KCNH1: variants seen among roughly 807,000 people sequenced by gnomAD.
KCNH1 encodes the protein potassium voltage-gated channel subfamily H member 1, also known as voltage-gated delayed rectifier potassium channel KCNH1.
A neutral mutation model predicts 69.2 loss-of-function variants in KCNH1; 27 were observed. The ratio of observed to expected loss-of-function variants is 0.39; its 90% CI spans 0.29 to 0.54. The LOEUF is 0.54. Ranked by LOEUF, KCNH1 falls within the 20% of genes least tolerant of loss-of-function variation. The pLI is 0.68. For synonymous variants in KCNH1, 456 were observed against 487.7 expected (o/e 0.93, Z 0.86); for missense variants, 798 against 1,261.6 (o/e 0.63, Z 5.57).
chr1:210,733,652 A>G (rs1210428034), intron 10 of KCNH1, among the ~76,000 whole-genome samples: 1 of 152,176 alleles, frequency 6.6e-6, no homozygotes, highest in East Asian at 1.9e-4. Flanking sequence ...TTTGTTGGCT[A>G]AGAGGAAGAC....
chr1:210,859,610 A>C (rs903904325), intron 7 of KCNH1: 1 of 1,402,514 alleles, frequency 7.1e-7, no homozygotes, highest in African/African-American at 1.4e-5. Context: ...TCATCATCAT[A>C]TTCAGCTTCA....
chr1:210,775,380 T>G lies in KCNH1; in HGVS notation c.2080A>C (p.Asn694His). The G allele has an allele frequency of 6.2e-7, 1 of 1,614,086 alleles. No individual in the cohort carries two copies. The highest frequency in any genetic ancestry group is 1.7e-4 in the Middle Eastern group (1 of 6,060). Residue 694 changes from asparagine to histidine, a missense_variant, in exon 10 of 11, where the codon AAC becomes CAC. By Grantham distance (68) the Asn-to-His change is moderately conservative (BLOSUM62 1). Around this residue, in one of 4 missense-constraint regions of KCNH1, gnomAD observed 197 missense variants for 407.7 expected, o/e 0.48. Transcript: ENST00000271751. ...YTAFSHSFSR[N>H]LILTYNLRKR... Reference sequence around the variant, plus strand: ...CTCAAGTTGTACGTCAGAATCAGGTTCCGGGAGAAGGAATGGGAGAAGGCC... The same window carrying G: ...CTCAAGTTGTACGTCAGAATCAGGTGCCGGGAGAAGGAATGGGAGAAGGCC...
intron 7 of KCNH1, among the ~76,000 whole-genome samples, chr1:210,855,609 C>T (rs139886917): frequency 3.3e-5 from 5 of 152,300 alleles, no homozygotes; most frequent in African/African-American, 7.2e-5. Context: ...AGCCAGAGAG[C>T]GTAAAGCTGC....
At chr1:210,958,579 C>A (rs1025594143) in intron 6 of KCNH1, among the ~76,000 whole-genome samples, 1 of 152,202 alleles carries the variant, frequency 6.6e-6, no homozygotes, top group African/African-American at 2.4e-5. Context: ...TTCACATAGT[C>A]CCAAATTTCT....
intron 7 of KCNH1, among the ~76,000 whole-genome samples, chr1:210,850,370 G>A (rs1327441366): frequency 1.3e-5 from 2 of 152,008 alleles, no homozygotes; most frequent in African/African-American, 4.8e-5. Context: ...AAGTAGCTGG[G>A]CGTGGTGGCG....
chr1:210,981,048 T>A (rs1688700721), intron 6 of KCNH1, among the ~76,000 whole-genome samples: 1 of 152,136 alleles, frequency 6.6e-6, no homozygotes, highest in African/African-American at 2.4e-5. Context: ...AACTCTTATA[T>A]CCCTCTCTCT....
In KCNH1 at chr1:210,867,360, C is replaced by CATATAT. The variant is rs772279988; in HGVS notation, c.1462+52279_1462+52280insATATAT. Among the ~76,000 whole-genome samples the CATATAT allele has an allele frequency of 1.2e-3, 143 of 116,766 alleles. 1 individual carries two copies. The highest frequency in any genetic ancestry group is 4.0e-3 in the African/African-American group (132 of 32,602). The allele number at this position is 116,766 out of a possible 152,430, so 76.6% of individuals were successfully genotyped here. On this transcript the variant is annotated intron_variant, in intron 7 of 10. Coordinates refer to ENST00000271751, the MANE Select transcript of KCNH1 (RefSeq NM_172362.3). ...ACACACACACACACACACACACACA[C>CATATAT]ACATATATATATATATATGTGTCCA...
intron 10 of KCNH1, among the ~76,000 whole-genome samples, chr1:210,699,753 A>ATAAT (rs1681728823): frequency 6.6e-6 from 1 of 152,246 alleles, no homozygotes; most frequent in Non-Finnish European, 1.5e-5. Flanking sequence ...GGAGTAAAGA[A>ATAAT]TAATAAAAAG....
chr1:210,836,214 C>T (rs1437090628), intron 7 of KCNH1, among the ~76,000 whole-genome samples: 1 of 151,952 alleles, frequency 6.6e-6, no homozygotes, highest in Non-Finnish European at 1.5e-5. Context: ...TGGCCATCCC[C>T]TACAGAATTT....
At chr1:211,103,955 G>C (rs1691308584) in intron 2 of KCNH1, among the ~76,000 whole-genome samples, 1 of 152,216 alleles carries the variant, frequency 6.6e-6, no homozygotes, top group Admixed American at 6.5e-5. Flanking sequence ...ATGCTTTCCA[G>C]AAGTAAGGAC....
At chr1:211,126,679 T>A in intron 1 of KCNH1, among the ~76,000 whole-genome samples, 4 of 106,306 alleles carry the variant, frequency 3.8e-5, no homozygotes, top group Non-Finnish European at 1.8e-5. Context: ...TGAGATCCTA[T>A]AATATCTCAA....
At chr1:210,996,731 C>T (rs181926336) in intron 6 of KCNH1, among the ~76,000 whole-genome samples, 1 of 152,358 alleles carries the variant, frequency 6.6e-6, no homozygotes, top group East Asian at 1.9e-4. Context: ...GGGAGGCACC[C>T]CCCAGTAGGG....
chr1:210,706,431 G>C (rs746203466), intron 10 of KCNH1, among the ~76,000 whole-genome samples: 2 of 152,236 alleles, frequency 1.3e-5, no homozygotes, highest in African/African-American at 2.4e-5. Context: ...CAAAGCATTT[G>C]AAAGTCAAAT....
chr1:210,717,283 C>G (rs1302421274), intron 10 of KCNH1, among the ~76,000 whole-genome samples: 1 of 152,230 alleles, frequency 6.6e-6, no homozygotes, highest in Admixed American at 6.5e-5. Flanking sequence ...GCAGTTATCC[C>G]TGTGCTCAAC....
At chr1:210,916,693 T>C (rs78680387) in intron 7 of KCNH1, among the ~76,000 whole-genome samples, 2 of 152,242 alleles carry the variant, frequency 1.3e-5, no homozygotes, top group African/African-American at 4.8e-5. Flanking sequence ...CTCTAACATA[T>C]ACCATTGTCA....
At chr1:210,843,583 G>A (rs949237604) in intron 7 of KCNH1, among the ~76,000 whole-genome samples, 1 of 152,164 alleles carries the variant, frequency 6.6e-6, no homozygotes, top group Non-Finnish European at 1.5e-5. Flanking sequence ...ACTGCCCTAA[G>A]TGGACATTGA....
At chr1:211,045,517 A>G (rs1690082276) in intron 5 of KCNH1, among the ~76,000 whole-genome samples, 1 of 152,132 alleles carries the variant, frequency 6.6e-6, no homozygotes, top group Non-Finnish European at 1.5e-5. Flanking sequence ...TTATTTTTAA[A>G]CCACTTTACT....
intron 9 of KCNH1, among the ~76,000 whole-genome samples, chr1:210,788,554 A>G (rs1178224166): frequency 6.6e-6 from 1 of 152,184 alleles, no homozygotes; most frequent in Non-Finnish European, 1.5e-5. Context: ...AAATTACTTA[A>G]GCAAACACAG....
intron 7 of KCNH1, among the ~76,000 whole-genome samples, chr1:210,896,690 G>A (rs1237881071): frequency 1.3e-5 from 2 of 152,014 alleles, no homozygotes; most frequent in East Asian, 1.9e-4. Flanking sequence ...GCAACTCAGC[G>A]GAAAGTTTAG....
Sources: gnomAD v4.1 joint callset for allele counts (sites outside exome capture counted in the v4.1 genomes callset) on GRCh38, gnomAD v4.1.1 for gene constraint, gnomAD v4.1.1 regional missense constraint, MANE v1.5 for transcripts, NCBI Gene and HGNC (gene_info 2026-07-23, HGNC 2026-07-21) for gene names.